The following PLXNC1 variants were observed in gnomAD, a reference collection of about 807,000 sequenced individuals.
PLXNC1 encodes plexin-C1.
PLXNC1 carries 75 observed loss-of-function variants against 178.2 expected under a neutral mutation model. The ratio of observed to expected loss-of-function variants is 0.42; its 90% CI spans 0.35 to 0.51. The LOEUF is 0.51. Ranked by LOEUF, PLXNC1 falls within the 20% of genes least tolerant of loss-of-function variation. The pLI is 0.02. For missense variants in PLXNC1, 1,503 were observed against 1,984.4 expected, an observed-to-expected ratio of 0.76 and a Z score of 4.61; for synonymous variants, 790 against 779.9, an observed-to-expected ratio of 1.01 and a Z score of -0.22.
In PLXNC1 at chr12:94,279,645, TC is replaced by T; in HGVS notation, c.3772del (p.Glu1259SerfsTer19). ...ATGGACTTCAGCTTAATGAAATTGG[TC>T]TTGGTAAGGCGGTGCGGGAGCTATG... is the stretch of plus-strand genomic sequence containing the variant. ...PYGLQLNEIGLELQMGTRQKE... is the reference protein window; with the variant it reads ...PYGLQLNEIGXELQMGTRQKE... On this transcript the variant is annotated frameshift_variant, in exon 22 of 31. Coordinates refer to ENST00000258526, the MANE Select transcript of PLXNC1 (RefSeq NM_005761.3). LOFTEE classifies it high-confidence loss of function. 7.4e-6 allele frequency: 12 copies of T among 1,614,066 alleles called. No individual in the cohort carries two copies. The highest frequency in any genetic ancestry group is 1.0e-5 in the Non-Finnish European group (12 of 1,179,946).
chr12:94,297,968 T>TG (rs1266649770), intron 26 of PLXNC1, among the ~76,000 whole-genome samples: 35 of 152,180 alleles, frequency 2.3e-4, no homozygotes, highest in Admixed American at 2.3e-3. Flanking sequence ...AAGTCTGTGG[T>TG]GATCTTTTTT....
chr12:94,277,924 A>G, intron 21 of PLXNC1: 1 of 455,988 alleles, frequency 2.2e-6, no homozygotes, highest in Non-Finnish European at 4.4e-6. Context: ...GAGGGTTCCC[A>G]TCTTCCATAT....
chr12:94,251,796 A>T (rs1327005900), intron 15 of PLXNC1, among the ~76,000 whole-genome samples: 1 of 152,238 alleles, frequency 6.6e-6, no homozygotes, highest in Non-Finnish European at 1.5e-5. Flanking sequence ...GTTCAAGACC[A>T]GCCTGGCCAA....
chr12:94,232,109 G>C (rs1964119057), intron 9 of PLXNC1, among the ~76,000 whole-genome samples: 1 of 152,020 alleles, frequency 6.6e-6, no homozygotes, highest in African/African-American at 2.4e-5. Context: ...CCTCCGAGAT[G>C]GAGTTTCACT....
At position 94,279,475 on chromosome 12, in the gene PLXNC1, T is replaced by C. The variant is rs1176749487; in HGVS notation, c.3601T>C (p.Leu1201=). 1 of 1,612,850 alleles carries C rather than the reference T, an allele frequency of 6.2e-7. No homozygotes were observed. The highest frequency in any genetic ancestry group is 1.7e-4 in the Middle Eastern group (1 of 6,060). Residue 1201 remains leucine (L), a synonymous_variant, in exon 22 of 31, where the codon TTA becomes CTA. Transcript: ENST00000258526. ...AAACCTGTTTGTACTCTTGCAGGCA[T>C]TAAACGTCGTCTTTGAAAAAATCCC... ...WQVPEFSTVA[L]NVVFEKIPEN... is the part of the protein sequence containing the mutation.
intron 3 of PLXNC1, among the ~76,000 whole-genome samples, chr12:94,183,797 G>A (rs1478771352): frequency 6.6e-6 from 1 of 152,082 alleles, no homozygotes; most frequent in Non-Finnish European, 1.5e-5. Flanking sequence ...ATCATTCAAA[G>A]CCTGAAGTCC....
chr12:94,251,381 AG>A, intron 14 of PLXNC1, 44 bp from the exon 15 acceptor site: 1 of 1,098,760 alleles, frequency 9.1e-7, no homozygotes, highest in South Asian at 1.2e-5. Flanking sequence ...AAATAAATAC[AG>A]TCCCCAACTC....
chr12:94,290,354 G>A (rs1370108745), intron 23 of PLXNC1, among the ~76,000 whole-genome samples: 1 of 152,206 alleles, frequency 6.6e-6, no homozygotes, highest in Non-Finnish European at 1.5e-5. Flanking sequence ...AAATATGGAG[G>A]AGAATTGAAA....
At chr12:94,241,987 AAAG>A (rs1285283147) in intron 11 of PLXNC1, among the ~76,000 whole-genome samples, 31 of 151,166 alleles carry the variant, frequency 2.1e-4, no homozygotes, top group South Asian at 8.3e-4. Flanking sequence ...TAAAAAAAAA[AAAG>A]AAGAAGAAGA....
At chr12:94,286,745 G>A (rs920484129) in intron 23 of PLXNC1, among the ~76,000 whole-genome samples, 1 of 151,882 alleles carries the variant, frequency 6.6e-6, no homozygotes, top group Non-Finnish European at 1.5e-5. Flanking sequence ...CTGTAGTGAC[G>A]GCCAGTTCCT....
rs1261273645 is a variant in PLXNC1 at position 94,260,607 on chromosome 12, C to A, written c.3252-35C>A. 1 of 1,533,676 alleles carries A rather than the reference C, an allele frequency of 6.5e-7. No individual in the cohort carries two copies. Among genetic ancestry groups the A allele is most frequent in the Admixed American group, 1.7e-5 (1 of 59,674 alleles). ...TCCCATGGGTGTCCAGCTAGGCCTG[C>A]AGCCAATGGTTCACCCAGCTCTCTT... On this transcript the variant is annotated intron_variant, in intron 19 of 30. Transcript: ENST00000258526. The surrounding 1 kb of genome is among the most constrained non-coding windows in gnomAD (Gnocchi z 4.4).
intron 9 of PLXNC1, among the ~76,000 whole-genome samples, chr12:94,232,694 C>G (rs765564742): frequency 2.6e-5 from 4 of 152,142 alleles, no homozygotes; most frequent in Non-Finnish European, 5.9e-5. Context: ...TTTCATGAAG[C>G]AGTTGCATGT....
At chr12:94,184,801 C>T (rs1231667478) in intron 3 of PLXNC1, among the ~76,000 whole-genome samples, 3 of 152,136 alleles carry the variant, frequency 2.0e-5, no homozygotes, top group Non-Finnish European at 2.9e-5. Context: ...ACCCATATTC[C>T]ACAGAATGCT....
chr12:94,276,135 T>G (rs1965941615), intron 21 of PLXNC1, among the ~76,000 whole-genome samples: 1 of 152,198 alleles, frequency 6.6e-6, no homozygotes, highest in Non-Finnish European at 1.5e-5. Context: ...AAGACAATAG[T>G]GCCTTTAGGT....
chr12:94,283,439 T>C (rs1966599480), intron 23 of PLXNC1, among the ~76,000 whole-genome samples: 1 of 152,194 alleles, frequency 6.6e-6, no homozygotes, highest in Admixed American at 6.5e-5. Flanking sequence ...CCAGGTACTA[T>C]TTCCAGCATG....
At chr12:94,170,035 T>C (rs878993475) in intron 2 of PLXNC1, among the ~76,000 whole-genome samples, 6 of 152,178 alleles carry the variant, frequency 3.9e-5, no homozygotes, top group Non-Finnish European at 8.8e-5. Flanking sequence ...CCTTCTGTGG[T>C]CTCCAACAAC....
intron 6 of PLXNC1, among the ~76,000 whole-genome samples, chr12:94,222,343 G>A (rs1394986394): frequency 7.9e-5 from 12 of 152,130 alleles, no homozygotes; most frequent in African/African-American, 1.7e-4. Flanking sequence ...TCAGCCAGCC[G>A]GTGACCATTG....
In PLXNC1 at chr12:94,306,035, G is replaced by GT. The variant is rs1286347680; in HGVS notation, c.*756dup. 2.0e-5 allele frequency: 3 copies of GT among 151,966 alleles called. No individual in the cohort carries two copies. The highest frequency in any genetic ancestry group is 4.4e-5 in the Non-Finnish European group (3 of 68,000). The allele number at this position is 151,966 out of a possible 1,614,324, so 9.4% of individuals were successfully genotyped here. Reference sequence around the variant, plus strand: ...TAATGTATGTTCCTTTTCTTCATCTGTTTTTTCATACTAAATGTATTTGAT... The same window carrying GT: ...TAATGTATGTTCCTTTTCTTCATCTGTTTTTTTCATACTAAATGTATTTGAT... On this transcript the variant is annotated 3_prime_UTR_variant, in exon 31 of 31. Transcript: ENST00000258526.
chr12:94,167,828 T>A (rs1961675893), intron 1 of PLXNC1, among the ~76,000 whole-genome samples: 1 of 152,218 alleles, frequency 6.6e-6, no homozygotes, highest in African/African-American at 2.4e-5. Flanking sequence ...AACATTGCCT[T>A]CTCTTAGGTT....
Sources: gnomAD v4.1 joint callset for allele counts (sites outside exome capture counted in the v4.1 genomes callset) on GRCh38, gnomAD v4.1.1 for gene constraint, Gnocchi (gnomAD v3.1) non-coding constraint, MANE v1.5 for transcripts, NCBI Gene and HGNC (gene_info 2026-07-23, HGNC 2026-07-21) for gene names.